The following PBK variants were observed in gnomAD, a reference collection of about 807,000 sequenced individuals.
PBK encodes PDZ binding kinase, also known as lymphokine-activated killer T-cell-originated protein kinase.
A neutral mutation model predicts 33.5 loss-of-function variants in PBK; 22 were observed. The observed-to-expected ratio is 0.66, with a 90% CI of 0.47 to 0.94. The LOEUF is 0.94. Among genes scored for constraint, PBK ranks in the 40% least tolerant of loss-of-function variants. PBK has a pLI of 0.00. For missense variants in PBK, 376 were observed against 383.4 expected (o/e 0.98, Z 0.16); for synonymous variants, 129 against 123.8 (o/e 1.04, Z -0.28).
At chr8:27,826,595 G>C (rs1261733534) in intron 3 of PBK, among the ~76,000 whole-genome samples, 4 of 109,028 alleles carry the variant, frequency 3.7e-5, no homozygotes, top group African/African-American at 1.7e-4. Context: ...AGGAGATCGA[G>C]ACCATCCTGG....
At chr8:27,816,534 G>A (rs539160479) in intron 6 of PBK, among the ~76,000 whole-genome samples, 23 of 151,156 alleles carry the variant, frequency 1.5e-4, no homozygotes, top group African/African-American at 5.3e-4. Context: ...CCGCCACCAC[G>A]CCTGGTTAAT....
intron 1 of PBK, among the ~76,000 whole-genome samples, chr8:27,835,872 A>T (rs772142188): frequency 6.6e-6 from 1 of 152,030 alleles, no homozygotes; most frequent in African/African-American, 2.4e-5. Context: ...CTATCTACCT[A>T]TGTGAAGCTA....
chr8:27,823,316 CAG>C (rs758097159), intron 3 of PBK, 111 bp from the exon 4 acceptor site: 34 of 661,756 alleles, frequency 5.1e-5, no homozygotes, highest in African/African-American at 1.6e-4. Context: ...CTTTTAAAAA[CAG>C]AATTTAAAAT....
intron 3 of PBK, among the ~76,000 whole-genome samples, chr8:27,823,919 T>C (rs983014066): frequency 1.3e-5 from 2 of 152,054 alleles, no homozygotes; most frequent in Admixed American, 1.3e-4. Flanking sequence ...CTTAAGTATA[T>C]GCAGCATAAC....
At chr8:27,831,290 T>C (rs942309216) in intron 2 of PBK, among the ~76,000 whole-genome samples, 1 of 149,680 alleles carries the variant, frequency 6.7e-6, no homozygotes, top group African/African-American at 2.5e-5. Context: ...GAGGTAGAGG[T>C]TGCAGTGAGC....
intron 6 of PBK, among the ~76,000 whole-genome samples, chr8:27,818,856 T>A (rs1191504573): frequency 6.6e-6 from 1 of 152,188 alleles, no homozygotes; most frequent in Non-Finnish European, 1.5e-5. Context: ...CAATTTTTTC[T>A]ACTGTTACTT....
intron 6 of PBK, among the ~76,000 whole-genome samples, chr8:27,818,979 A>G (rs942046448): frequency 6.6e-6 from 1 of 152,168 alleles, no homozygotes; most frequent in African/African-American, 2.4e-5. Flanking sequence ...CTCTTTTCTC[A>G]CTAATACAAA....
rs138952065 is a variant in PBK, at chr8:27,820,593, G to C, written c.567C>G (p.Val189=). Residue 189 remains valine, a synonymous_variant, in exon 6 of 8, where the codon GTC becomes GTG. Transcript: ENST00000301905. ...FETIKICDVG[V]SLPLDENMTV... Reference sequence around the variant, plus strand: ...TCATATTTTCATCCAGTGGTAGAGAGACTCCTACATCACAGATTTTAATTG... The same window carrying C: ...TCATATTTTCATCCAGTGGTAGAGACACTCCTACATCACAGATTTTAATTG... 1.6e-4 allele frequency: 257 copies of C among 1,578,274 alleles called. 1 individual carries two copies. Among genetic ancestry groups the C allele is most frequent in the Non-Finnish European group, 3.0e-5 (35 of 1,152,032 alleles).
In PBK at chr8:27,810,953, C is replaced by A. The variant is rs765178559; in HGVS notation, c.772+5G>T. 1.3e-6 allele frequency: 2 copies of A among 1,521,492 alleles called. No individual in the cohort carries two copies. The highest frequency in any genetic ancestry group is 9.1e-7 in the Non-Finnish European group (1 of 1,097,036). 94.2% of individuals were successfully genotyped at this position (1,521,492 alleles called of 1,614,324 possible). On this transcript the variant is annotated splice_donor_5th_base_variant and intron_variant, in intron 7 of 7. Transcript: ENST00000301905. ...TGGGATTTATGTTAGAAATTGTATT[C>A]ATACCTTCATCATCATCATCATTTG...
chr8:27,823,298 G>C, intron 3 of PBK, 93 bp from the exon 4 acceptor site: 2 of 745,814 alleles, frequency 2.7e-6, no homozygotes, highest in Non-Finnish European at 4.4e-6. Context: ...AAGCTTGAAA[G>C]AAATTTGCTT....
Position 27,810,986 on chromosome 8 carries a change from A to C in PBK, c.744T>G (p.Ile248Met). The C allele has an allele frequency of 6.2e-7, 1 of 1,607,516 alleles. No individual in the cohort carries two copies. The highest frequency in any genetic ancestry group is 8.5e-7 in the Non-Finnish European group (1 of 1,174,156). Residue 248 changes from isoleucine (I) to methionine (M), a missense_variant, in exon 7 of 8, where the codon ATT (isoleucine) becomes ATG (methionine). Physicochemically the swap from Ile to Met is conservative, Grantham distance 10. Transcript: ENST00000301905. The part of the protein sequence containing the change: ...WEMMTLSIPH[I>M]NLSNDDDDED... The stretch of plus-strand genomic sequence containing the variant: ...CATCATCATCATCATTTGAAAGATT[A>C]ATGTGTGGAATCGATAAAGTCATCA...
intron 2 of PBK, among the ~76,000 whole-genome samples, chr8:27,832,252 A>G (rs1449914569): frequency 6.6e-6 from 1 of 152,202 alleles, no homozygotes; most frequent in Admixed American, 6.5e-5. Flanking sequence ...ACAAAGTTCA[A>G]TACCCACTCA....
chr8:27,814,219 C>T (rs939559663), intron 6 of PBK, among the ~76,000 whole-genome samples: 1 of 152,150 alleles, frequency 6.6e-6, no homozygotes, highest in Non-Finnish European at 1.5e-5. Flanking sequence ...TCTTAGTAGA[C>T]ATAGGGCTAT....
chr8:27,820,470 A>G (rs1455757177), intron 6 of PBK, 95 bp downstream of exon 6: 1 of 771,864 alleles, frequency 1.3e-6, no homozygotes, highest in Non-Finnish European at 2.1e-6. Context: ...CTTTTTAAAA[A>G]TAGTTTTTGA....
In PBK at chr8:27,810,379, C is replaced by T; in HGVS notation, c.895G>A (p.Val299Ile). ...SYQKVIELFS[V>I]CTNEDPKDRP... is the part of the protein sequence containing the mutation. ...TCTTTAGGGTCTTCATTAGTGCATA[C>T]AGAGAAGAGTTCAATTACTTTCTGG... Residue 299 changes from valine to isoleucine, a missense_variant, in exon 8 of 8, where the codon GTA becomes ATA. Transcript: ENST00000301905. 6.2e-7 allele frequency: 1 copy of T among 1,611,304 alleles called. No individual in the cohort carries two copies. Among genetic ancestry groups the T allele is most frequent in the Non-Finnish European group, 8.5e-7 (1 of 1,177,498 alleles).
At chr8:27,826,691 G>A (rs1193757867) in intron 3 of PBK, among the ~76,000 whole-genome samples, 1 of 141,262 alleles carries the variant, frequency 7.1e-6, no homozygotes, top group Non-Finnish European at 1.5e-5. Flanking sequence ...AGCTACTCGG[G>A]AGGCTGAGGC....
rs1329526835 is a variant in PBK at position 27,828,105 on chromosome 8, C to G, written c.152G>C (p.Arg51Thr). Residue 51 changes from arginine (R) to threonine (T), a missense_variant and splice_region_variant, in exon 3 of 8, where the codon AGA becomes ACA. Physicochemically the swap from Arg to Thr is moderately conservative, Grantham distance 71. Transcript: ENST00000301905. ...GGTTAATCTGAAATCTTATACTTACCTTTTCATTAGGTACACATTTACCCC... is the reference window on the plus strand; with the variant it reads ...GGTTAATCTGAAATCTTATACTTACGTTTTCATTAGGTACACATTTACCCC... ...GTGVNVYLMK[R>T]SPRGLSHSPW... is the part of the protein sequence containing the mutation. 7.1e-7 allele frequency: 1 copy of G among 1,402,784 alleles called. No homozygotes were observed. Among genetic ancestry groups the G allele is most frequent in the South Asian group, 1.2e-5 (1 of 85,522 alleles). 86.9% of individuals were successfully genotyped at this position (1,402,784 alleles called of 1,614,324 possible). A position where few individuals can be genotyped will look rare whatever the true frequency, so the allele number is the denominator to read the frequency against.
intron 6 of PBK, among the ~76,000 whole-genome samples, chr8:27,816,343 C>CTATATATATATATATATATA (rs767822258): frequency 3.7e-5 from 5 of 136,380 alleles, no homozygotes; most frequent in South Asian, 2.3e-4. Flanking sequence ...TCATCGAATA[C>CTATATATATATATATATATA]TATATATATA....
intron 6 of PBK, among the ~76,000 whole-genome samples, chr8:27,819,461 G>A (rs1300582037): frequency 6.6e-6 from 1 of 151,816 alleles, no homozygotes. Context: ...TCTCTTTTTA[G>A]CCAAAAATTA....
Sources: gnomAD v4.1 joint callset for allele counts (sites outside exome capture counted in the v4.1 genomes callset) on GRCh38, gnomAD v4.1.1 for gene constraint, MANE v1.5 for transcripts, NCBI Gene and HGNC (gene_info 2026-07-23, HGNC 2026-07-21) for gene names.